Variants in AHR observed in about 807,000 individuals in gnomAD.
AHR encodes the protein aryl hydrocarbon receptor.
In AHR, 40 loss-of-function variants were observed where a neutral mutation model predicts 86.8. That is an observed-to-expected ratio of 0.46 (90% CI 0.36 to 0.60). The LOEUF (loss-of-function observed/expected upper bound fraction) is 0.60. Ranked by LOEUF, AHR falls within the 20% of genes least tolerant of loss-of-function variation. The pLI is 0.00. For synonymous variants in AHR, 398 were observed against 354.9 expected (o/e 1.12, Z -1.37); for missense variants, 1,001 against 1,011.6 (o/e 0.99, Z 0.14).
intron 3 of AHR, among the ~76,000 whole-genome samples, chr7:17,323,930 G>A (rs1000622428): frequency 2.0e-5 from 3 of 152,084 alleles, no homozygotes; most frequent in African/African-American, 7.2e-5. Flanking sequence ...TCTACTAAGG[G>A]CCTAATGAAA....
At position 17,343,997 on chromosome 7, in the gene AHR, TTTA is replaced by T. The variant is rs753325135; in HGVS notation, c.*936_*938del. ...AGAAATAAATATACCACTCTTTACCTTTATTGATATCTCCATGATGATAGTTGA... is the reference window on the plus strand; with the variant it reads ...AGAAATAAATATACCACTCTTTACCTTTGATATCTCCATGATGATAGTTGA... On this transcript the variant is annotated 3_prime_UTR_variant, in exon 11 of 11. Transcript: ENST00000242057. 6.6e-6 allele frequency: 1 copy of T among 152,642 alleles called. No homozygotes were observed. Among genetic ancestry groups the T allele is most frequent in the Non-Finnish European group, 1.5e-5 (1 of 67,990 alleles). The allele number at this position is 152,642 out of a possible 1,614,324, so 9.5% of individuals were successfully genotyped here. A position where few individuals can be genotyped will look rare whatever the true frequency, so the allele number is the denominator to read the frequency against.
intron 2 of AHR, among the ~76,000 whole-genome samples, chr7:17,318,319 C>T (rs567727525): frequency 1.4e-4 from 21 of 151,902 alleles, no homozygotes; most frequent in Admixed American, 9.2e-4. Flanking sequence ...AGGAAAGTAC[C>T]GTATTAGGAA....
rs777705598 is a variant in AHR, at chr7:17,343,142, T to C, written c.*78T>C. ...TTATGGAAAAATAAAACTGTCACTG[T>C]TGGACGTCAGCAAGTTCACATGGAG... On this transcript the variant is annotated 3_prime_UTR_variant, in exon 11 of 11. Coordinates refer to ENST00000242057, the MANE Select transcript of AHR (RefSeq NM_001621.5). 6.5e-7 allele frequency: 1 copy of C among 1,532,646 alleles called. No homozygotes were observed. Among genetic ancestry groups the C allele is most frequent in the Non-Finnish European group, 9.0e-7 (1 of 1,111,518 alleles). 94.9% of individuals were successfully genotyped at this position (1,532,646 alleles called of 1,614,324 possible).
intron 2 of AHR, among the ~76,000 whole-genome samples, chr7:17,316,201 G>A (rs189346616): frequency 6.6e-6 from 1 of 152,334 alleles, no homozygotes; most frequent in East Asian, 1.9e-4. Context: ...TGAAATGAAA[G>A]TGTAAACTGA....
At chr7:17,337,583 T>C (rs1378844930) in intron 9 of AHR, among the ~76,000 whole-genome samples, 4 of 150,614 alleles carry the variant, frequency 2.7e-5, no homozygotes, top group African/African-American at 4.9e-5. Flanking sequence ...CACGCCATTC[T>C]CCTGCCTCAG....
At chr7:17,308,367 T>A (rs540858583) in intron 1 of AHR, among the ~76,000 whole-genome samples, 4 of 152,126 alleles carry the variant, frequency 2.6e-5, no homozygotes, top group African/African-American at 9.6e-5. Context: ...TTCAAGCAGT[T>A]GCTGCTTCTG....
chr7:17,329,910 A>C, intron 4 of AHR, 42 bp from the exon 5 acceptor site: 1 of 1,550,706 alleles, frequency 6.4e-7, no homozygotes. Context: ...CATATTTTTT[A>C]ATCAGTCCTT....
Position 17,339,098 on chromosome 7 carries a change from GA to G in AHR, c.1274del (p.Asp425ValfsTer5), listed in dbSNP as rs1782387764. On this transcript the variant is annotated frameshift_variant, in exon 10 of 11. Transcript: ENST00000242057. LOFTEE classifies it high-confidence loss of function. ...AACCAACCCTTTTCCTGCCATAATG[GA>G]TCCCTTACCACTAAGGACTAAAAAT... ...EATNPFPAIM[D>X]PLPLRTKNGT... The G allele has an allele frequency of 6.2e-7, 1 of 1,613,968 alleles. No homozygotes were observed.
Position 17,340,028 on chromosome 7 carries a change from T to G in AHR, c.2203T>G (p.Leu735Val), listed in dbSNP as rs1390927316. 5 of 1,614,090 alleles carry G rather than the reference T, an allele frequency of 3.1e-6. No individual in the cohort carries two copies. Among genetic ancestry groups the G allele is most frequent in the Non-Finnish European group, 4.2e-6 (5 of 1,180,040 alleles). The change falls in exon 10 of 11, where the codon TTA becomes GTA. Residue 735 changes from leucine to valine, a missense_variant. By Grantham distance (32) the Leu-to-Val change is conservative. Transcript: ENST00000242057. ...ATCCCCATACCCCACTACTTCTAGT[T>G]TAGAAGATTTTGTCACTTGTTTACA... ...EPSPYPTTSS[L>V]EDFVTCLQLP... is the part of the protein sequence containing the mutation.
intron 1 of AHR, 93 bp from the exon 2 acceptor site, chr7:17,309,843 T>A: frequency 9.2e-7 from 1 of 1,092,256 alleles, no homozygotes; most frequent in Admixed American, 2.9e-5. Context: ...TTTGTTGTGT[T>A]AGAGAAATAT....
chr7:17,331,002 C>T, intron 6 of AHR, 116 bp downstream of exon 6: 2 of 1,145,178 alleles, frequency 1.7e-6, no homozygotes, highest in Non-Finnish European at 1.2e-6. Flanking sequence ...TCAGGCAACC[C>T]TCAGAACCAG....
intron 3 of AHR, among the ~76,000 whole-genome samples, chr7:17,325,476 A>G (rs891336715): frequency 2.6e-5 from 4 of 152,252 alleles, no homozygotes; most frequent in Admixed American, 1.3e-4. Flanking sequence ...TGACGGATAT[A>G]TAGTGTTACT....
chr7:17,343,115 G>A lies in AHR; in HGVS notation c.*51G>A. 3 of 1,593,488 alleles carry A rather than the reference G, an allele frequency of 1.9e-6. No homozygotes were observed. The highest frequency in any genetic ancestry group is 2.6e-6 in the Non-Finnish European group (3 of 1,163,434). On this transcript the variant is annotated 3_prime_UTR_variant, in exon 11 of 11. Coordinates refer to ENST00000242057, the MANE Select transcript of AHR (RefSeq NM_001621.5). ...TTTTGGATTAAATTAGTTTGTGAAGGATTATGGAAAAATAAAACTGTCACT... is the reference window on the plus strand; with the variant it reads ...TTTTGGATTAAATTAGTTTGTGAAGAATTATGGAAAAATAAAACTGTCACT...
At chr7:17,314,922 T>A (rs1197288143) in intron 2 of AHR, among the ~76,000 whole-genome samples, 1 of 152,052 alleles carries the variant, frequency 6.6e-6, no homozygotes, top group Non-Finnish European at 1.5e-5. Context: ...CATAACAGTT[T>A]AGCACATTTG....
At chr7:17,337,995 C>T (rs972117837) in intron 9 of AHR, among the ~76,000 whole-genome samples, 2 of 150,664 alleles carry the variant, frequency 1.3e-5, no homozygotes, top group African/African-American at 4.9e-5. Context: ...GTCAGGAGAT[C>T]GAGACCATCC....
rs545362214 is a variant in AHR, at chr7:17,313,347, G to A, written c.253+3224G>A. Among the ~76,000 whole-genome samples the A allele has an allele frequency of 5.3e-5, 8 of 152,266 alleles. No individual in the cohort carries two copies. In the East Asian group the frequency reaches 7.7e-4, roughly 15 times the overall value. On this transcript the variant is annotated intron_variant, in intron 2 of 10. Transcript: ENST00000242057. ...TCCACTATTAGGGAAACAGTATAGCGAAGCGAAGGGAAGCTCAAAGTGAAT... is the reference window on the plus strand; with the variant it reads ...TCCACTATTAGGGAAACAGTATAGCAAAGCGAAGGGAAGCTCAAAGTGAAT...
chr7:17,308,060 A>G (rs1046569344), intron 1 of AHR, among the ~76,000 whole-genome samples: 1 of 152,042 alleles, frequency 6.6e-6, no homozygotes, highest in African/African-American at 2.4e-5. Context: ...TAAAAGTTAT[A>G]TGTTTATTTG....
At chr7:17,305,494 G>C (rs941734020) in intron 1 of AHR, among the ~76,000 whole-genome samples, 4 of 152,126 alleles carry the variant, frequency 2.6e-5, no homozygotes, top group African/African-American at 4.8e-5. Context: ...CCATAGTGCT[G>C]AGAAGCGGGT....
At chr7:17,302,689 A>T (rs1356338077) in intron 1 of AHR, among the ~76,000 whole-genome samples, 1 of 151,750 alleles carries the variant, frequency 6.6e-6, no homozygotes, top group East Asian at 1.9e-4. Context: ...CACTGGATCT[A>T]AACTAAAAAA....
Sources: allele counts gnomAD v4.1 joint callset (sites outside exome capture counted in the v4.1 genomes callset), GRCh38; gene constraint gnomAD v4.1.1; transcripts MANE v1.5; gene names NCBI Gene and HGNC (gene_info 2026-07-23, HGNC 2026-07-21).